RNF216: variants seen among roughly 807,000 people sequenced by gnomAD.
RNF216 encodes E3 ubiquitin-protein ligase RNF216.
A neutral mutation model predicts 110.8 loss-of-function variants in RNF216; 72 were observed. That is an observed-to-expected ratio of 0.65 (90% CI 0.54 to 0.79). RNF216 has a LOEUF of 0.79. RNF216 is among the 30% of genes least tolerant of loss of function. The pLI is 0.00. For missense variants in RNF216, 1,342 were observed against 1,141.2 expected, an observed-to-expected ratio of 1.18 and a Z score of -2.54; for synonymous variants, 495 against 407.5, an observed-to-expected ratio of 1.21 and a Z score of -2.59.
chr7:5,769,448 C>T (rs145380633), intron 1 of RNF216, among the ~76,000 whole-genome samples: 239 of 147,350 alleles, frequency 1.6e-3, no homozygotes, highest in Middle Eastern at 0.01. Flanking sequence ...AGAGGCTGGG[C>T]GTGGTGGCTC....
At chr7:5,682,510 C>T (rs996813049) in intron 13 of RNF216, among the ~76,000 whole-genome samples, 18 of 151,528 alleles carry the variant, frequency 1.2e-4, no homozygotes, top group African/African-American at 3.6e-4. Flanking sequence ...TGGGTTCAAG[C>T]GATTCTCCTG....
At chr7:5,626,243 A>G (rs893930060) in intron 15 of RNF216, among the ~76,000 whole-genome samples, 1 of 152,096 alleles carries the variant, frequency 6.6e-6, no homozygotes, top group African/African-American at 2.4e-5. Context: ...ACTACCTTCA[A>G]CATAATCACT....
chr7:5,627,598 T>C (rs2128557115), intron 15 of RNF216, among the ~76,000 whole-genome samples: 1 of 151,900 alleles, frequency 6.6e-6, no homozygotes, highest in African/African-American at 2.4e-5. Flanking sequence ...ATACAAAAAA[T>C]TAGCTGAGCG....
At chr7:5,752,248 T>C (rs950489534) in intron 3 of RNF216, among the ~76,000 whole-genome samples, 4 of 151,782 alleles carry the variant, frequency 2.6e-5, no homozygotes, top group Non-Finnish European at 4.4e-5. Flanking sequence ...CAACAGAAAA[T>C]ATAAAATAAC....
chr7:5,773,903 GCTTC>G (rs1407722736), intron 1 of RNF216, among the ~76,000 whole-genome samples: 3 of 152,118 alleles, frequency 2.0e-5, no homozygotes, highest in Non-Finnish European at 2.9e-5. Flanking sequence ...ACCACAACTG[GCTTC>G]CTTCAATTTT....
At chr7:5,747,745 T>TA (rs1562457376) in intron 3 of RNF216, among the ~76,000 whole-genome samples, 4 of 11,026 alleles carry the variant, frequency 3.6e-4, no homozygotes, top group African/African-American at 1.5e-3. Context: ...AGACTCCATC[T>TA]CAAAAAAAAA....
At position 5,727,989 on chromosome 7, in the gene RNF216, G is replaced by C. The variant is rs569957012; in HGVS notation, c.1389+1443C>G. Reference sequence around the variant, plus strand: ...CAGTCTGTATTTTCCAAACTTTCTAGTCCATTCAACCTCCCAATGAATTAT... The same window carrying C: ...CAGTCTGTATTTTCCAAACTTTCTACTCCATTCAACCTCCCAATGAATTAT... On this transcript the variant is annotated intron_variant, in intron 7 of 16. Transcript: ENST00000389902. Among the ~76,000 whole-genome samples, 5 of 151,758 alleles carry C rather than the reference G, an allele frequency of 3.3e-5. No individual in the cohort carries two copies. In the East Asian group the frequency reaches 7.8e-4, roughly 24 times the overall value.
chr7:5,721,910 A>C (rs1793449738), intron 8 of RNF216, among the ~76,000 whole-genome samples: 1 of 152,212 alleles, frequency 6.6e-6, no homozygotes, highest in Non-Finnish European at 1.5e-5. Context: ...TACTTGTTTC[A>C]CTGATTTGGC....
At chr7:5,651,085 A>G (rs1788357410) in intron 14 of RNF216, among the ~76,000 whole-genome samples, 2 of 152,242 alleles carry the variant, frequency 1.3e-5, no homozygotes, top group African/African-American at 2.4e-5. Context: ...ATCACTTATA[A>G]CATAAAGAAA....
At chr7:5,695,127 A>T (rs948069157) in intron 13 of RNF216, among the ~76,000 whole-genome samples, 1 of 152,212 alleles carries the variant, frequency 6.6e-6, no homozygotes, top group African/African-American at 2.4e-5. Context: ...TTCAAGCTAC[A>T]CGAAGTTAGC....
intron 1 of RNF216, among the ~76,000 whole-genome samples, chr7:5,770,024 CAAA>C (rs1163710982): frequency 2.1e-4 from 5 of 24,136 alleles, no homozygotes; most frequent in African/African-American, 5.5e-4. Flanking sequence ...AGACCCATCT[CAAA>C]AAAAAAAAAA....
chr7:5,705,179 T>C (rs1411462448), intron 13 of RNF216, among the ~76,000 whole-genome samples: 1 of 152,162 alleles, frequency 6.6e-6, no homozygotes, highest in African/African-American at 2.4e-5. Flanking sequence ...ATCACTGATC[T>C]AGGGTCACTG....
At chr7:5,768,282 C>T (rs1437593659) in intron 1 of RNF216, among the ~76,000 whole-genome samples, 1 of 113,562 alleles carries the variant, frequency 8.8e-6, no homozygotes, top group Non-Finnish European at 1.8e-5. Flanking sequence ...GAGATCTTGT[C>T]GCTATTAGGG....
At chr7:5,730,602 T>G in intron 6 of RNF216, 113 bp downstream of exon 6, 1 of 1,513,118 alleles carries the variant, frequency 6.6e-7, no homozygotes. Flanking sequence ...GGCTAGTCTT[T>G]AAAAACTTGT....
chr7:5,630,111 G>A (rs1786979940), intron 15 of RNF216, among the ~76,000 whole-genome samples: 1 of 152,078 alleles, frequency 6.6e-6, no homozygotes, highest in Admixed American at 6.6e-5. Context: ...GGAGGAGCCA[G>A]GGGCTGAGCT....
Position 5,716,771 on chromosome 7 carries a change from A to G in RNF216, c.1645-5T>C. 5.0e-6 allele frequency: 8 copies of G among 1,604,364 alleles called. No individual in the cohort carries two copies. Among genetic ancestry groups the G allele is most frequent in the Non-Finnish European group, 6.8e-6 (8 of 1,174,786 alleles). Reference sequence around the variant, plus strand: ...GGCAAGCAAAAAGTCTTCATGCTGAAGAACAAAAAAGGCACACATTCAGAC... The same window carrying G: ...GGCAAGCAAAAAGTCTTCATGCTGAGGAACAAAAAAGGCACACATTCAGAC... On this transcript the variant is annotated splice_polypyrimidine_tract_variant and splice_region_variant and intron_variant, in intron 9 of 16. Transcript: ENST00000389902.
intron 13 of RNF216, among the ~76,000 whole-genome samples, chr7:5,710,320 A>G (rs1584490510): frequency 6.6e-6 from 1 of 151,900 alleles, no homozygotes; most frequent in Non-Finnish European, 1.5e-5. Context: ...AGATCGTGCC[A>G]CTGCACTCCA....
intron 13 of RNF216, among the ~76,000 whole-genome samples, chr7:5,656,549 C>T (rs886781524): frequency 2.0e-5 from 3 of 152,134 alleles, no homozygotes; most frequent in Non-Finnish European, 4.4e-5. Flanking sequence ...AGGCAAGCAG[C>T]TCCCGCCCTC....
At chr7:5,747,773 AAAGG>A (rs1795109130) in intron 3 of RNF216, among the ~76,000 whole-genome samples, 41 of 36,676 alleles carry the variant, frequency 1.1e-3, no homozygotes, top group East Asian at 2.5e-3. Flanking sequence ...AAAAAAAAAA[AAAGG>A]GGAAAAAAAA....
Sources: allele counts gnomAD v4.1 joint callset (sites outside exome capture counted in the v4.1 genomes callset), GRCh38; gene constraint gnomAD v4.1.1; transcripts MANE v1.5; gene names NCBI Gene and HGNC (gene_info 2026-07-23, HGNC 2026-07-21).